Variants in DAB1 observed in about 807,000 individuals in gnomAD.
The protein encoded by DAB1 is DAB adaptor protein 1, also known as disabled homolog 1.
Under a neutral mutation model 64.6 loss-of-function variants are expected in DAB1, and 15 were observed. The ratio of observed to expected loss-of-function variants is 0.23; its 90% CI spans 0.16 to 0.36. The LOEUF is 0.36. Among genes scored for constraint, DAB1 ranks in the 10% least tolerant of loss-of-function variants. The pLI is 1.00. For missense variants in DAB1, 596 were observed against 706.7 expected (o/e 0.84, Z 1.78); for synonymous variants, 235 against 251.9 (o/e 0.93, Z 0.64).
intron 4 of DAB1, among the ~76,000 whole-genome samples, chr1:58,310,145 G>A (rs1177041110): frequency 6.6e-6 from 1 of 152,094 alleles, no homozygotes; most frequent in Non-Finnish European, 1.5e-5. Context: ...ATCACATGGG[G>A]CTGGGGTCAG....
At chr1:57,570,010 A>G (rs1645175365) in intron 7 of DAB1, among the ~76,000 whole-genome samples, 2 of 152,102 alleles carry the variant, frequency 1.3e-5, no homozygotes, top group African/African-American at 2.4e-5. Context: ...TGGGCTTGTG[A>G]TGGTAATACT....
intron 3 of DAB1, among the ~76,000 whole-genome samples, chr1:58,373,243 A>G (rs1644285952): frequency 6.7e-6 from 1 of 148,878 alleles, no homozygotes; most frequent in Admixed American, 6.8e-5. Flanking sequence ...ACATATGTAT[A>G]CATGTGCCAT....
intron 4 of DAB1, among the ~76,000 whole-genome samples, chr1:57,079,826 C>T (rs1470548024): frequency 6.6e-6 from 1 of 152,186 alleles, no homozygotes; most frequent in African/African-American, 2.4e-5. Flanking sequence ...TTTCCCTGAC[C>T]TTCCAGCGCA....
chr1:57,973,033 T>C (rs146633856), intron 5 of DAB1, among the ~76,000 whole-genome samples: 1 of 152,314 alleles, frequency 6.6e-6, no homozygotes, highest in Non-Finnish European at 1.5e-5. Flanking sequence ...TCTGTCTTTA[T>C]AGATGTGATT....
At chr1:57,180,384 C>G (rs1380393244) in intron 2 of DAB1, among the ~76,000 whole-genome samples, 1 of 152,230 alleles carries the variant, frequency 6.6e-6, no homozygotes, top group Admixed American at 6.5e-5. Flanking sequence ...TTTAAAATGG[C>G]TGCACTCATC....
intron 1 of DAB1, among the ~76,000 whole-genome samples, chr1:57,363,267 G>A (rs770909892): frequency 2.0e-5 from 3 of 152,136 alleles, no homozygotes; most frequent in Non-Finnish European, 2.9e-5. Flanking sequence ...AGAAACCACG[G>A]ACACTCTCTA....
intron 7 of DAB1, among the ~76,000 whole-genome samples, chr1:57,550,797 C>T (rs757657690): frequency 3.9e-5 from 6 of 152,160 alleles, no homozygotes; most frequent in Non-Finnish European, 8.8e-5. Flanking sequence ...TCTAAAAGCA[C>T]ATAGTTTAGT....
chr1:57,918,633 G>A (rs904061284), intron 5 of DAB1, among the ~76,000 whole-genome samples: 4 of 152,054 alleles, frequency 2.6e-5, no homozygotes, highest in Non-Finnish European at 4.4e-5. Flanking sequence ...GACCATCCTG[G>A]CTAACACAGT....
intron 6 of DAB1, among the ~76,000 whole-genome samples, chr1:57,706,175 C>G: frequency 6.6e-6 from 1 of 152,062 alleles, no homozygotes; most frequent in African/African-American, 2.4e-5. Context: ...TATTTTTGGA[C>G]TGAATAAATA....
At chr1:57,829,929 AT>A (rs1224590128) in intron 1 of DAB1, among the ~76,000 whole-genome samples, 1 of 152,238 alleles carries the variant, frequency 6.6e-6, no homozygotes, top group Non-Finnish European at 1.5e-5. Context: ...GTATGATACT[AT>A]GTTGATATGT....
chr1:57,414,408 G>A (rs946827291), intron 1 of DAB1, among the ~76,000 whole-genome samples: 3 of 152,218 alleles, frequency 2.0e-5, no homozygotes, highest in African/African-American at 7.2e-5. Flanking sequence ...ATTAGCATAT[G>A]TGAGCAATAA....
At chr1:58,516,333 A>G (rs12133823) in intron 2 of DAB1, among the ~76,000 whole-genome samples, 23,393 of 152,262 alleles carry the variant, frequency 0.15, 1,872 homozygotes, top group Middle Eastern at 0.23. Context: ...ATTTTTAAAA[A>G]GTCATTTCTA....
At chr1:57,014,798 T>C (rs879872208) in intron 12 of DAB1, 85 bp downstream of exon 12, 28 of 1,104,392 alleles carry the variant, frequency 2.5e-5, no homozygotes, top group Non-Finnish European at 3.4e-5. Context: ...GCAAGTGAGA[T>C]GAGTTATTTG....
intron 1 of DAB1, among the ~76,000 whole-genome samples, chr1:57,367,557 C>T (rs944257799): frequency 1.8e-4 from 27 of 152,142 alleles, no homozygotes; most frequent in African/African-American, 6.3e-4. Flanking sequence ...TGGCAGCTAT[C>T]GAAAGAAACC....
chr1:57,350,663 G>T (rs531112179), intron 1 of DAB1, among the ~76,000 whole-genome samples: 2 of 152,016 alleles, frequency 1.3e-5, no homozygotes, highest in Non-Finnish European at 2.9e-5. Flanking sequence ...GGGACAAAGA[G>T]CTTGAGAATG....
At chr1:58,371,441 C>T (rs535231014) in intron 3 of DAB1, among the ~76,000 whole-genome samples, 1 of 152,250 alleles carries the variant, frequency 6.6e-6, no homozygotes, top group Admixed American at 6.5e-5. Context: ...TTGGAACTTA[C>T]GTTTAAAGAA....
chr1:57,455,917 A>T (rs1331668888), intron 7 of DAB1, among the ~76,000 whole-genome samples: 2 of 152,168 alleles, frequency 1.3e-5, no homozygotes, highest in African/African-American at 4.8e-5. Flanking sequence ...ATGATGGTCC[A>T]TCCTCTGCCT....
chr1:58,469,383 CA>C (rs1307543028), intron 3 of DAB1, among the ~76,000 whole-genome samples: 1 of 151,292 alleles, frequency 6.6e-6, no homozygotes, highest in African/African-American at 2.4e-5. Flanking sequence ...TAGAGTCTGG[CA>C]CCAACAGTAG....
intron 1 of DAB1, among the ~76,000 whole-genome samples, chr1:57,831,519 A>G (rs1362641299): frequency 1.3e-5 from 2 of 150,690 alleles, no homozygotes; most frequent in Non-Finnish European, 2.9e-5. Context: ...ACTAAATAAT[A>G]CATATTTATT....
Sources: allele counts gnomAD v4.1 joint callset (sites outside exome capture counted in the v4.1 genomes callset), GRCh38; gene constraint gnomAD v4.1.1; transcripts MANE v1.5; gene names NCBI Gene and HGNC (gene_info 2026-07-23, HGNC 2026-07-21).